Variants in C2CD2 observed in about 807,000 individuals in gnomAD.
C2CD2 encodes the protein C2 domain-containing protein 2.
A neutral mutation model predicts 74.3 loss-of-function variants in C2CD2; 43 were observed. That is an observed-to-expected ratio of 0.58 (90% CI 0.45 to 0.75). C2CD2 has a LOEUF of 0.75. Among genes scored for constraint, C2CD2 ranks in the 30% least tolerant of loss-of-function variants. The probability of loss-of-function intolerance (pLI) is 0.00; values close to 1 mark genes in which losing one functional copy is unlikely to be tolerated. For missense variants in C2CD2, 801 were observed against 916.3 expected, an observed-to-expected ratio of 0.87 and a Z score of 1.63; for synonymous variants, 422 against 390.7, an observed-to-expected ratio of 1.08 and a Z score of -0.94.
intron 2 of C2CD2, among the ~76,000 whole-genome samples, chr21:41,927,250 C>A (rs1407127787): frequency 1.3e-5 from 2 of 152,204 alleles, no homozygotes; most frequent in Non-Finnish European, 2.9e-5. Context: ...ACTGCAGCCT[C>A]CGCCTCCTGG....
chr21:41,916,670 C>CACACAA (rs1012726302), intron 5 of C2CD2, among the ~76,000 whole-genome samples: 3 of 31,088 alleles, frequency 9.7e-5, no homozygotes, highest in African/African-American at 2.2e-4. Context: ...TGATTACACA[C>CACACAA]ACACACACAC....
chr21:41,894,967 G>A (rs2064805365), intron 13 of C2CD2: 1 of 456,424 alleles, frequency 2.2e-6, no homozygotes, highest in Non-Finnish European at 4.4e-6. Flanking sequence ...CCTGTGAGGT[G>A]TCGCTGTGTC....
intron 2 of C2CD2, among the ~76,000 whole-genome samples, chr21:41,931,288 T>C (rs1435181365): frequency 6.7e-6 from 1 of 150,318 alleles, no homozygotes; most frequent in Non-Finnish European, 1.5e-5. Context: ...GAGAATTCCC[T>C]TAGGAAAATG....
At chr21:41,927,398 TGAG>T in intron 2 of C2CD2, among the ~76,000 whole-genome samples, 1 of 152,154 alleles carries the variant, frequency 6.6e-6, no homozygotes, top group East Asian at 1.9e-4. Flanking sequence ...ACTCCTGACC[TGAG>T]CCTGCCTCAG....
In C2CD2 at chr21:41,926,625, A is replaced by G; in HGVS notation, c.379-4540T>C. ...ATTCCTTTGTTTAGACTTGGGGCCA[A>G]AAAATTCCAGGCACAGTTACTCCAG... On this transcript the variant is annotated intron_variant, in intron 2 of 13. Coordinates refer to ENST00000380486, the MANE Select transcript of C2CD2 (RefSeq NM_015500.2). This position sits in a 1 kb window ranked among gnomAD's most constrained non-coding sequence, Gnocchi z 8.0. The G allele has an allele frequency of 1.0e-6, 1 of 985,120 alleles. No individual in the cohort carries two copies. Among genetic ancestry groups the G allele is most frequent in the Non-Finnish European group, 1.2e-6 (1 of 829,678 alleles). 61.0% of individuals were successfully genotyped at this position (985,120 alleles called of 1,614,324 possible). A position where few individuals can be genotyped will look rare whatever the true frequency, so the allele number is the denominator to read the frequency against.
chr21:41,936,723 G>A (rs1182867139), intron 2 of C2CD2, among the ~76,000 whole-genome samples: 5 of 151,498 alleles, frequency 3.3e-5, no homozygotes, highest in South Asian at 2.1e-4. Context: ...CCTACTCAAC[G>A]TGAAGACGAT....
At chr21:41,941,061 G>A (rs1054047608) in intron 2 of C2CD2, among the ~76,000 whole-genome samples, 1 of 152,020 alleles carries the variant, frequency 6.6e-6, no homozygotes, top group African/African-American at 2.4e-5. Flanking sequence ...GTATTGAAGA[G>A]AAAATTTCAG....
rs80154179 is a variant in C2CD2, at chr21:41,922,545, G to A, written c.379-460C>T. On this transcript the variant is annotated intron_variant, in intron 2 of 13. Coordinates refer to ENST00000380486, the MANE Select transcript of C2CD2 (RefSeq NM_015500.2). ...GCTGAAGTGCAGTGGAGCAATCTCG[G>A]CTCACTGCAACCTCCGCCTCCCTGG... 1.4e-4 allele frequency among the ~76,000 whole-genome samples: 21 copies of A among 151,388 alleles called. 3 individuals are homozygous for A. The highest frequency in any genetic ancestry group is 5.3e-4 in the Admixed American group (8 of 15,176).
Position 41,907,708 on chromosome 21 carries a change from G to C in C2CD2, c.1095C>G (p.Thr365=). The C allele has an allele frequency of 6.2e-7, 1 of 1,613,096 alleles. No individual in the cohort carries two copies. The highest frequency in any genetic ancestry group is 1.3e-5 in the African/African-American group (1 of 75,050). Residue 365 remains threonine, a synonymous_variant, in exon 9 of 14, where the codon ACC becomes ACG. Coordinates refer to ENST00000380486, the MANE Select transcript of C2CD2 (RefSeq NM_015500.2). ...QPSGPQSFTL[T]SGSACGSSVL... The stretch of plus-strand genomic sequence containing the variant: ...CCGAGCTGCCGCAGGCAGACCCGCT[G>C]GTCAGCGTGAAGCTCTGTGGCCCAG...
chr21:41,951,544 CAG>C lies in C2CD2; in HGVS notation c.279+1824_279+1825del, dbSNP rs201357170. ...TGAGACTGCAGTGTGTGGCCAACAG[CAG>C]AGAGAGAACAGAGAAGGCGCAAACA... On this transcript the variant is annotated intron_variant, in intron 1 of 13. Coordinates refer to ENST00000380486, the MANE Select transcript of C2CD2 (RefSeq NM_015500.2). 7.9e-5 allele frequency among the ~76,000 whole-genome samples: 12 copies of C among 152,262 alleles called. No homozygotes were observed. The East Asian group carries it at 2.1e-3, about 27-fold the overall frequency.
At chr21:41,951,506 A>G (rs2065450516) in intron 1 of C2CD2, among the ~76,000 whole-genome samples, 1 of 152,186 alleles carries the variant, frequency 6.6e-6, no homozygotes, top group African/African-American at 2.4e-5. Context: ...GGAGGTCAGG[A>G]GAGACAGGTG....
intron 1 of C2CD2, among the ~76,000 whole-genome samples, chr21:41,946,252 A>C (rs2065396661): frequency 6.6e-6 from 1 of 152,248 alleles, no homozygotes; most frequent in Admixed American, 6.5e-5. Context: ...CTACCTGTTA[A>C]CTACAGCAGG....
chr21:41,947,112 T>TTCTCTC (rs147753254), intron 1 of C2CD2, among the ~76,000 whole-genome samples: 12 of 26,214 alleles, frequency 4.6e-4, no homozygotes, highest in African/African-American at 1.9e-3. Context: ...CCTTTCTCTT[T>TTCTCTC]TCTCTCTCTC....
At chr21:41,907,605 C>G in intron 9 of C2CD2, 55 bp downstream of exon 9, 4 of 1,582,374 alleles carry the variant, frequency 2.5e-6, no homozygotes, top group Non-Finnish European at 3.4e-6. Flanking sequence ...TGAAGACGCT[C>G]CTTGGGTAAG....
intron 12 of C2CD2, chr21:41,901,146 AG>A: frequency 4.7e-6 from 1 of 213,742 alleles, no homozygotes; most frequent in South Asian, 8.5e-5. Context: ...GAGCGGGAGA[AG>A]GGGGAGAAAG....
intron 13 of C2CD2, among the ~76,000 whole-genome samples, chr21:41,891,341 A>G (rs1295078544): frequency 1.3e-5 from 2 of 152,240 alleles, no homozygotes; most frequent in Non-Finnish European, 2.9e-5. Context: ...AATGCAGCAC[A>G]TCGTGAAAAA....
At chr21:41,947,139 T>TCTCTCTCTCTCTCTCTCTCTCTCCCC (rs1365076208) in intron 1 of C2CD2, among the ~76,000 whole-genome samples, 1 of 122,380 alleles carries the variant, frequency 8.2e-6, no homozygotes, top group Non-Finnish European at 1.7e-5. Flanking sequence ...TCTCTCTCTC[T>TCTCTCTCTCTCTCTCTCTCTCTCCCC]CCCTCCCTCC....
chr21:41,916,591 G>A (rs2065093744), intron 5 of C2CD2, among the ~76,000 whole-genome samples: 1 of 151,010 alleles, frequency 6.6e-6, no homozygotes, highest in Admixed American at 6.6e-5. Flanking sequence ...TTACCCCACA[G>A]ACTCTCCCGG....
At chr21:41,910,053 C>A (rs191170179) in intron 7 of C2CD2, among the ~76,000 whole-genome samples, 1 of 151,040 alleles carries the variant, frequency 6.6e-6, no homozygotes, top group African/African-American at 2.4e-5. Context: ...AGGCTGGTGT[C>A]GAACTCCTGA....
Sources: allele counts gnomAD v4.1 joint callset (sites outside exome capture counted in the v4.1 genomes callset), GRCh38; gene constraint gnomAD v4.1.1; non-coding constraint Gnocchi (gnomAD v3.1); transcripts MANE v1.5; gene names NCBI Gene and HGNC (gene_info 2026-07-23, HGNC 2026-07-21).